LAMC2: variants seen among roughly 807,000 people sequenced by gnomAD.
The protein encoded by LAMC2 is laminin subunit gamma-2.
A neutral mutation model predicts 140.2 loss-of-function variants in LAMC2; 97 were observed. The ratio of observed to expected loss-of-function variants is 0.69; its 90% CI spans 0.59 to 0.82. The LOEUF (loss-of-function observed/expected upper bound fraction) is 0.82, where lower values mean the gene tolerates loss of function less well. Ranked by LOEUF, LAMC2 falls within the 40% of genes least tolerant of loss-of-function variation. LAMC2 has a pLI of 0.00. For missense variants in LAMC2, 1,402 were observed against 1,476.1 expected, an observed-to-expected ratio of 0.95 and a Z score of 0.82; for synonymous variants, 513 against 540.2, an observed-to-expected ratio of 0.95 and a Z score of 0.70.
At chr1:183,186,669 T>C (rs1658163582) in intron 1 of LAMC2, among the ~76,000 whole-genome samples, 1 of 152,214 alleles carries the variant, frequency 6.6e-6, no homozygotes, top group African/African-American at 2.4e-5. Context: ...AAAGAGGGTC[T>C]TCCTTACCTT....
intron 7 of LAMC2, among the ~76,000 whole-genome samples, 176 bp downstream of exon 7, chr1:183,223,500 T>C (rs774401112): frequency 6.6e-5 from 10 of 152,176 alleles, no homozygotes; most frequent in Non-Finnish European, 7.3e-5. Context: ...CTCAAGCAGC[T>C]GACAGGCTAA....
chr1:183,237,281 C>T (rs1659993443), intron 17 of LAMC2, 71 bp from the exon 18 acceptor site: 2 of 1,540,588 alleles, frequency 1.3e-6, no homozygotes, highest in Non-Finnish European at 1.8e-6. Flanking sequence ...ACAATGGTGC[C>T]AGGTCCTAAC....
Position 183,206,447 on chromosome 1 carries a change from C to T in LAMC2, c.80-1434C>T, listed in dbSNP as rs77516935. Among the ~76,000 whole-genome samples the T allele has an allele frequency of 1.0e-3, 154 of 152,230 alleles. No individual in the cohort carries two copies. The East Asian group carries it at 0.024, about 23-fold the overall frequency. Reference sequence around the variant, plus strand: ...TCACCTGAGGTCAGGAGTTTGAGACCAGCCTAGCCAACACTGGCGAAACCC... The same window carrying T: ...TCACCTGAGGTCAGGAGTTTGAGACTAGCCTAGCCAACACTGGCGAAACCC... On this transcript the variant is annotated intron_variant, in intron 1 of 22. Coordinates refer to ENST00000264144, the MANE Select transcript of LAMC2 (RefSeq NM_005562.3).
intron 7 of LAMC2, among the ~76,000 whole-genome samples, chr1:183,224,468 T>C (rs1659568460): frequency 6.6e-6 from 1 of 152,022 alleles, no homozygotes; most frequent in African/African-American, 2.4e-5. Flanking sequence ...TCGTCAGGTG[T>C]GAAGGCTAGG....
At chr1:183,201,351 C>A (rs182440795) in intron 1 of LAMC2, among the ~76,000 whole-genome samples, 3 of 151,926 alleles carry the variant, frequency 2.0e-5, no homozygotes, top group Non-Finnish European at 4.4e-5. Context: ...GATCCCGAAC[C>A]CATACCTGGG....
chr1:183,242,368 T>C (rs1442785448), intron 22 of LAMC2, among the ~76,000 whole-genome samples: 1 of 152,202 alleles, frequency 6.6e-6, no homozygotes, highest in African/African-American at 2.4e-5. Context: ...TATAATAAAC[T>C]CATGCAGTCA....
intron 16 of LAMC2, 41 bp downstream of exon 16, chr1:183,235,771 G>T: frequency 1.2e-6 from 2 of 1,609,850 alleles, no homozygotes; most frequent in African/African-American, 1.3e-5. Flanking sequence ...TTATACCTTG[G>T]ATACTCCCAG....
At position 183,235,661 on chromosome 1, in the gene LAMC2, C is replaced by A. The variant is rs139718245; in HGVS notation, c.2387C>A (p.Ala796Asp). ...SKQALSLVRK[A>D]LHEGVGSGSG... ...CAAGCCCTCTCACTGGTGCGCAAGGCCCTGCATGAAGGAGTCGGAAGCGGA... is the reference window on the plus strand; with the variant it reads ...CAAGCCCTCTCACTGGTGCGCAAGGACCTGCATGAAGGAGTCGGAAGCGGA... The change falls in exon 16 of 23, where the codon GCC becomes GAC. Residue 796 changes from alanine (A) to aspartate (D), a missense_variant. This residue lies in a region of LAMC2 where 670 missense variants were observed against 667.2 expected (regional missense o/e 1.00). Transcript: ENST00000264144. The A allele has an allele frequency of 1.9e-6, 3 of 1,614,230 alleles. No homozygotes were observed. The highest frequency in any genetic ancestry group is 2.2e-5 in the East Asian group (1 of 44,888).
the LAMC2 span, chr1:183,250,727 A>G: frequency 6.6e-6 from 1 of 152,634 alleles, no homozygotes; most frequent in African/African-American, 2.4e-5. Context: ...ATACCCCAAA[A>G]TAGGATTTTC....
Position 183,225,681 on chromosome 1 carries a change from C to T in LAMC2, c.1027C>T (p.Leu343Phe), listed in dbSNP as rs1046057289. 10 of 1,613,562 alleles carry T rather than the reference C, an allele frequency of 6.2e-6. No individual in the cohort carries two copies. The highest frequency in any genetic ancestry group is 4.0e-5 in the African/African-American group (3 of 74,918). ...TGAGTATCGAAGGTTACTGCGGAATCTCACAGCCCTCCGCATCCGAGCTAC... is the reference window on the plus strand; with the variant it reads ...TGAGTATCGAAGGTTACTGCGGAATTTCACAGCCCTCCGCATCCGAGCTAC... ...YFEYRRLLRN[L>F]TALRIRATYG... Residue 343 changes from leucine to phenylalanine, a missense_variant, in exon 8 of 23, where the codon CTC becomes TTC. Leu to Phe is a conservative substitution (Grantham distance 22). Transcript: ENST00000264144.
chr1:183,238,546 A>T (rs190680566), intron 19 of LAMC2, 125 bp downstream of exon 19: 1 of 673,044 alleles, frequency 1.5e-6, no homozygotes, highest in Non-Finnish European at 2.7e-6. Context: ...TCCTTAGTAA[A>T]TATCTTTCTA....
intron 22 of LAMC2, 135 bp downstream of exon 22, chr1:183,240,526 AG>A: frequency 6.8e-7 from 1 of 1,466,152 alleles, no homozygotes; most frequent in Non-Finnish European, 9.0e-7. Flanking sequence ...CTTTGTTTCC[AG>A]GCCCAGATAA....
chr1:183,257,222 C>T, the LAMC2 span, among the ~76,000 whole-genome samples: 1 of 151,968 alleles, frequency 6.6e-6, no homozygotes, highest in South Asian at 2.1e-4. Flanking sequence ...GTGGGTGGAT[C>T]ACAAGCTCAG....
intron 9 of LAMC2, among the ~76,000 whole-genome samples, chr1:183,227,163 A>C (rs757753731): frequency 4.6e-5 from 7 of 152,184 alleles, no homozygotes; most frequent in Non-Finnish European, 8.8e-5. Flanking sequence ...GCTGGGTAGA[A>C]GAGTTGGTGT....
At position 183,223,275 on chromosome 1, in the gene LAMC2, C is replaced by A; in HGVS notation, c.904C>A (p.Pro302Thr). 6.2e-7 allele frequency: 1 copy of A among 1,614,166 alleles called. No homozygotes were observed. The highest frequency in any genetic ancestry group is 8.5e-7 in the Non-Finnish European group (1 of 1,180,030). Reference sequence around the variant, plus strand: ...TCTACGGATCACAGCTCCCTTGATGCCACTTGGCAAGACACTGCCTTGTGG... The same window carrying A: ...TCTACGGATCACAGCTCCCTTGATGACACTTGGCAAGACACTGCCTTGTGG... Reference protein sequence around the residue: ...AGLRITAPLMPLGKTLPCGLT... With the variant: ...AGLRITAPLMTLGKTLPCGLT... The change falls in exon 7 of 23, where the codon CCA becomes ACA. Residue 302 changes from proline to threonine, a missense_variant. This residue lies in a region of LAMC2 where 723 missense variants were observed against 783.3 expected (regional missense o/e 0.92). Coordinates refer to ENST00000264144, the MANE Select transcript of LAMC2 (RefSeq NM_005562.3).
rs1659999214 is a variant in LAMC2, at chr1:183,237,408, C to G, written c.2658C>G (p.Thr886=). ...QKADSLSSLV[T]RHMDEFKRTQ... ...CGGATTCACTCTCAAGCCTGGTAACCAGGCATATGGATGAGTTCAAGCGTA... is the reference window on the plus strand; with the variant it reads ...CGGATTCACTCTCAAGCCTGGTAACGAGGCATATGGATGAGTTCAAGCGTA... The change falls in exon 18 of 23, where the codon ACC becomes ACG. Residue 886 remains threonine (T), a synonymous_variant. Transcript: ENST00000264144. 6.2e-7 allele frequency: 1 copy of G among 1,614,102 alleles called. No individual in the cohort carries two copies. Among genetic ancestry groups the G allele is most frequent in the Non-Finnish European group, 8.5e-7 (1 of 1,179,956 alleles).
At chr1:183,224,626 C>T (rs1659573101) in intron 7 of LAMC2, among the ~76,000 whole-genome samples, 1 of 151,678 alleles carries the variant, frequency 6.6e-6, no homozygotes, top group African/African-American at 2.4e-5. Flanking sequence ...ACCCACAGAA[C>T]ACAAACAAAG....
the LAMC2 span, among the ~76,000 whole-genome samples, chr1:183,255,435 C>A: frequency 6.6e-6 from 1 of 151,902 alleles, no homozygotes. Flanking sequence ...GTTGATTTTT[C>A]TATTTCTGTG....
the LAMC2 span, among the ~76,000 whole-genome samples, chr1:183,256,163 T>C: frequency 3.5e-4 from 54 of 152,144 alleles, no homozygotes; most frequent in Non-Finnish European, 4.4e-4. Flanking sequence ...ATCCCAGCAC[T>C]TTGGGAGGCT....
Sources: allele counts gnomAD v4.1 joint callset (sites outside exome capture counted in the v4.1 genomes callset), GRCh38; gene constraint gnomAD v4.1.1; regional missense constraint gnomAD v4.1.1; transcripts MANE v1.5; gene names NCBI Gene and HGNC (gene_info 2026-07-23, HGNC 2026-07-21).